ESR1: variants seen among roughly 807,000 people sequenced by gnomAD.
The protein encoded by ESR1 is estrogen receptor 1.
ESR1 carries 12 observed loss-of-function variants against 52.7 expected under a neutral mutation model. The ratio of observed to expected loss-of-function variants is 0.23; its 90% CI spans 0.15 to 0.37. ESR1 has a LOEUF of 0.37. ESR1 is among the 10% of genes least tolerant of loss of function. ESR1 has a pLI of 1.00. For synonymous variants in ESR1, 305 were observed against 316.8 expected (o/e 0.96, Z 0.39); for missense variants, 584 against 779.7 (o/e 0.75, Z 2.99).
intron 3 of ESR1, among the ~76,000 whole-genome samples, chr6:151,891,715 T>A (rs2128368247): frequency 6.6e-6 from 1 of 152,226 alleles, no homozygotes; most frequent in Non-Finnish European, 1.5e-5. Context: ...ACATAAAGTG[T>A]CATGAGAGAT....
At chr6:151,818,955 G>T (rs948219702) in intron 1 of ESR1, among the ~76,000 whole-genome samples, 6 of 152,126 alleles carry the variant, frequency 3.9e-5, no homozygotes, top group Non-Finnish European at 8.8e-5. Flanking sequence ...TCCATGGTGT[G>T]GCAATCAAGC....
intron 2 of ESR1, among the ~76,000 whole-genome samples, chr6:151,770,333 G>A (rs1785411186): frequency 6.6e-6 from 1 of 152,070 alleles, no homozygotes; most frequent in Admixed American, 6.5e-5. Context: ...ATTAAAATGG[G>A]AAAGCTATTT....
intron 6 of ESR1, among the ~76,000 whole-genome samples, chr6:152,063,845 G>C (rs1183890979): frequency 1.3e-5 from 2 of 152,122 alleles, no homozygotes; most frequent in African/African-American, 4.8e-5. Context: ...CCAAGGTTTT[G>C]TGTTGAGCCC....
intron 4 of ESR1, among the ~76,000 whole-genome samples, chr6:151,973,452 C>T (rs2039116953): frequency 6.6e-6 from 1 of 152,156 alleles, no homozygotes; most frequent in South Asian, 2.1e-4. Context: ...GCAGAGTCTG[C>T]AGAGGTGACC....
At chr6:151,799,195 T>A (rs143041451) in intron 2 of ESR1, among the ~76,000 whole-genome samples, 1 of 152,218 alleles carries the variant, frequency 6.6e-6, no homozygotes, top group Non-Finnish European at 1.5e-5. Flanking sequence ...AAGGAGGCAC[T>A]CCAAGTTTGG....
At chr6:151,821,645 A>G (rs1780566734) in intron 1 of ESR1, among the ~76,000 whole-genome samples, 2 of 152,172 alleles carry the variant, frequency 1.3e-5, no homozygotes, top group African/African-American at 2.4e-5. Flanking sequence ...ACTATCACCA[A>G]TGTGAAAATG....
rs1554268906 is a variant in ESR1 at position 151,852,639 on chromosome 6, G to GTTA, written c.643+9854_643+9855insATT. ...ATGTCCAAACAAGAACCAAGCAGGTGTTTTTTTTTTTTTTTTTGCAGATTA... is the reference window on the plus strand; with the variant it reads ...ATGTCCAAACAAGAACCAAGCAGGTGTTATTTTTTTTTTTTTTTTTGCAGATTA... On this transcript the variant is annotated intron_variant, in intron 2 of 7. Coordinates refer to ENST00000206249, the MANE Select transcript of ESR1 (RefSeq NM_000125.4). Among the ~76,000 whole-genome samples, 613 of 127,930 alleles carry GTTA rather than the reference G, an allele frequency of 4.8e-3. 6 individuals carry two copies. Among genetic ancestry groups the GTTA allele is most frequent in the African/African-American group, 0.017 (588 of 33,770 alleles). 83.9% of individuals were successfully genotyped at this position (127,930 alleles called of 152,430 possible).
chr6:151,806,491 C>T (rs191724327), upstream of ESR1, among the ~76,000 whole-genome samples: 1,760 of 138,594 alleles, frequency 0.013, 16 homozygotes, highest in Non-Finnish European at 0.021. Flanking sequence ...AGATTATAGA[C>T]GCATGATATA....
chr6:151,832,001 A>C (rs1326079680), intron 1 of ESR1, among the ~76,000 whole-genome samples: 1 of 152,068 alleles, frequency 6.6e-6, no homozygotes, highest in Non-Finnish European at 1.5e-5. Flanking sequence ...TGTGGAAGAA[A>C]TTTTCTTCTG....
intron 2 of ESR1, among the ~76,000 whole-genome samples, chr6:151,869,289 G>A (rs1240586016): frequency 6.6e-6 from 1 of 152,164 alleles, no homozygotes; most frequent in African/African-American, 2.4e-5. Flanking sequence ...TGAAGGAGAG[G>A]GGTCTACAGG....
chr6:152,071,058 G>A (rs1276881626), intron 6 of ESR1, among the ~76,000 whole-genome samples: 1 of 95,472 alleles, frequency 1.0e-5, no homozygotes, highest in Non-Finnish European at 1.9e-5. Context: ...AAAATAGAGA[G>A]AGTAGTAGTT....
intron 2 of ESR1, among the ~76,000 whole-genome samples, chr6:151,798,465 C>T (rs1776918956): frequency 6.6e-6 from 1 of 152,172 alleles, no homozygotes; most frequent in African/African-American, 2.4e-5. Context: ...ATTTATGGTA[C>T]AAAAACCTAC....
intron 1 of ESR1, among the ~76,000 whole-genome samples, chr6:151,697,004 T>C (rs75175312): frequency 0.019 from 2,937 of 152,122 alleles, 35 homozygotes; most frequent in East Asian, 0.032. Flanking sequence ...GACAGAAACA[T>C]AGTTAAGAAA....
chr6:151,912,774 A>G (rs1288227086), intron 3 of ESR1, among the ~76,000 whole-genome samples: 1 of 152,216 alleles, frequency 6.6e-6, no homozygotes, highest in Admixed American at 6.5e-5. Context: ...TTGCAGGGAC[A>G]TGGATGAAGC....
chr6:151,995,612 T>C (rs17081994), intron 4 of ESR1, among the ~76,000 whole-genome samples: 19,944 of 152,234 alleles, frequency 0.13, 1,535 homozygotes, highest in East Asian at 0.33. Flanking sequence ...TTCTATTTTC[T>C]AGTTAGACTT....
chr6:151,788,076 A>T (rs866907252), intron 2 of ESR1, among the ~76,000 whole-genome samples: 4 of 152,358 alleles, frequency 2.6e-5, no homozygotes, highest in Non-Finnish European at 2.9e-5. Context: ...GAAGATGACA[A>T]AAGCAATTGC....
chr6:151,690,777 T>C (rs909501828), intron 1 of ESR1: 1 of 152,238 alleles, frequency 6.6e-6, no homozygotes, highest in African/African-American at 2.4e-5. Context: ...AAAATGTTCA[T>C]TTTTTTGTCT....
chr6:151,807,793 C>T lies in ESR1; in HGVS notation c.-120C>T. On this transcript the variant is annotated 5_prime_UTR_variant, in exon 1 of 8. Transcript: ENST00000206249. ...GCCGGGGCCAGAGCTCGCGTGTCGG[C>T]GGGACATGCGCTGCGTCGCCTCTAA... 1 of 958,254 alleles carries T rather than the reference C, an allele frequency of 1.0e-6. No individual in the cohort carries two copies. The highest frequency in any genetic ancestry group is 2.0e-5 in the Admixed American group (1 of 50,196). The allele number at this position is 958,254 out of a possible 1,614,324, so 59.4% of individuals were successfully genotyped here.
chr6:151,897,805 G>C (rs999751337), intron 3 of ESR1, among the ~76,000 whole-genome samples: 1 of 152,158 alleles, frequency 6.6e-6, no homozygotes, highest in South Asian at 2.1e-4. Flanking sequence ...CATTAAGGAG[G>C]TTCTGTTTTG....
Sources: allele counts gnomAD v4.1 joint callset (sites outside exome capture counted in the v4.1 genomes callset), GRCh38; gene constraint gnomAD v4.1.1; transcripts MANE v1.5; gene names NCBI Gene and HGNC (gene_info 2026-07-23, HGNC 2026-07-21).